Variants in PTPRT observed in about 807,000 individuals in gnomAD.
PTPRT encodes receptor-type tyrosine-protein phosphatase T.
PTPRT carries 56 observed loss-of-function variants against 176.8 expected under a neutral mutation model. The ratio of observed to expected loss-of-function variants is 0.32; its 90% CI spans 0.26 to 0.40. PTPRT has a LOEUF of 0.40. PTPRT is among the 10% of genes least tolerant of loss of function. PTPRT has a pLI of 1.00. For synonymous variants in PTPRT, 783 were observed against 739.0 expected (o/e 1.06, Z -0.96); for missense variants, 1,540 against 1,908.2 (o/e 0.81, Z 3.60).
intron 11 of PTPRT, among the ~76,000 whole-genome samples, chr20:42,349,735 G>T (rs2058248811): frequency 6.6e-6 from 1 of 152,210 alleles, no homozygotes; most frequent in Non-Finnish European, 1.5e-5. Context: ...TCAATGCTCT[G>T]CTTCATTTTA....
intron 7 of PTPRT, among the ~76,000 whole-genome samples, chr20:42,518,099 G>T (rs540423441): frequency 6.6e-6 from 1 of 151,966 alleles, no homozygotes; most frequent in African/African-American, 2.4e-5. Flanking sequence ...ATTTTTAAAG[G>T]CATGTTAATA....
intron 1 of PTPRT, among the ~76,000 whole-genome samples, chr20:43,034,415 C>T (rs1243966541): frequency 6.6e-6 from 1 of 151,986 alleles, no homozygotes; most frequent in East Asian, 1.9e-4. Context: ...GGCTGGGGAA[C>T]ACGGGAATGC....
intron 19 of PTPRT, among the ~76,000 whole-genome samples, chr20:42,120,356 G>C (rs1987523782): frequency 6.6e-6 from 1 of 152,078 alleles, no homozygotes; most frequent in Admixed American, 6.5e-5. Context: ...GAAGAACACT[G>C]TACAAGACCC....
intron 6 of PTPRT, among the ~76,000 whole-genome samples, chr20:42,747,683 G>A (rs1409870314): frequency 6.6e-6 from 1 of 152,192 alleles, no homozygotes; most frequent in Admixed American, 6.5e-5. Context: ...GACAGCAAGT[G>A]CAAAGGTCAG....
intron 7 of PTPRT, among the ~76,000 whole-genome samples, chr20:42,482,358 T>C (rs1259993842): frequency 2.0e-5 from 3 of 152,128 alleles, no homozygotes; most frequent in Non-Finnish European, 2.9e-5. Flanking sequence ...GTGTTACACA[T>C]TGGTCCTCCT....
Position 42,783,139 on chromosome 20 carries a change from A to C in PTPRT, c.487-2840T>G, listed in dbSNP as rs561604399. Among the ~76,000 whole-genome samples, 5 of 152,324 alleles carry C rather than the reference A, an allele frequency of 3.3e-5. No individual in the cohort carries two copies. In the East Asian group the frequency reaches 9.6e-4, roughly 29 times the overall value. ...AAATTGTTTAGCTTTGGGCCTATAC[A>C]TTTTCTAACCAAATTCACTACAACT... On this transcript the variant is annotated intron_variant, in intron 3 of 30. Transcript: ENST00000373187.
At chr20:42,452,445 A>C (rs1055232282) in intron 8 of PTPRT, among the ~76,000 whole-genome samples, 1 of 152,086 alleles carries the variant, frequency 6.6e-6, no homozygotes, top group Non-Finnish European at 1.5e-5. Flanking sequence ...GGAGGAATTG[A>C]AGTGTCCTAA....
chr20:42,618,520 G>T (rs2074124500), intron 7 of PTPRT, among the ~76,000 whole-genome samples: 1 of 134,172 alleles, frequency 7.5e-6, no homozygotes. Context: ...CCGTTGATCT[G>T]TCTAATGTTG....
At chr20:42,729,047 C>T (rs144400390) in intron 6 of PTPRT, among the ~76,000 whole-genome samples, 48 of 151,968 alleles carry the variant, frequency 3.2e-4, no homozygotes, top group African/African-American at 9.9e-4. Flanking sequence ...AGAGGGGCTT[C>T]GAGGAGGTGA....
intron 26 of PTPRT, among the ~76,000 whole-genome samples, chr20:42,100,827 C>G (rs1455507171): frequency 1.3e-5 from 2 of 152,230 alleles, no homozygotes; most frequent in Admixed American, 1.3e-4. Context: ...TAGCTACTTG[C>G]TATGACCAAG....
chr20:42,739,129 A>G (rs570044149), intron 6 of PTPRT, among the ~76,000 whole-genome samples: 1 of 152,306 alleles, frequency 6.6e-6, no homozygotes, highest in Non-Finnish European at 1.5e-5. Context: ...ATCAAAGAAT[A>G]CTCAAAGGAA....
chr20:42,555,471 C>T (rs1326988382), intron 7 of PTPRT, among the ~76,000 whole-genome samples: 2 of 152,152 alleles, frequency 1.3e-5, no homozygotes, highest in Non-Finnish European at 2.9e-5. Flanking sequence ...GCAATCACGG[C>T]AGGCAGTTTA....
intron 7 of PTPRT, among the ~76,000 whole-genome samples, chr20:42,639,031 T>C (rs1197669880): frequency 6.6e-6 from 1 of 152,132 alleles, no homozygotes; most frequent in Non-Finnish European, 1.5e-5. Context: ...ACATAAATTT[T>C]AAAGAACCTT....
At chr20:42,987,809 T>C (rs1367494178) in intron 1 of PTPRT, among the ~76,000 whole-genome samples, 1 of 152,180 alleles carries the variant, frequency 6.6e-6, no homozygotes, top group African/African-American at 2.4e-5. Context: ...TGTCTCTCCT[T>C]TCATGGCACT....
At chr20:43,083,457 T>A (rs899461597) in intron 1 of PTPRT, among the ~76,000 whole-genome samples, 1 of 148,386 alleles carries the variant, frequency 6.7e-6, no homozygotes, top group African/African-American at 2.5e-5. Flanking sequence ...GCCTCCTGGG[T>A]TCAAGCACTT....
At chr20:42,898,947 C>A (rs1393965966) in intron 1 of PTPRT, among the ~76,000 whole-genome samples, 1 of 152,188 alleles carries the variant, frequency 6.6e-6, no homozygotes. Context: ...GAGAGTCCAA[C>A]CAGCCTGAAA....
At chr20:42,610,024 C>T (rs1009568926) in intron 7 of PTPRT, among the ~76,000 whole-genome samples, 5 of 152,104 alleles carry the variant, frequency 3.3e-5, no homozygotes, top group African/African-American at 4.8e-5. Flanking sequence ...AGATGGGTGG[C>T]GGGAAGCAGG....
intron 8 of PTPRT, among the ~76,000 whole-genome samples, chr20:42,463,983 C>T (rs1188566871): frequency 6.6e-6 from 1 of 152,114 alleles, no homozygotes; most frequent in African/African-American, 2.4e-5. Flanking sequence ...TGTTTCACAA[C>T]CTGCTCTCCA....
intron 6 of PTPRT, among the ~76,000 whole-genome samples, chr20:42,718,813 C>A (rs1244402682): frequency 1.3e-5 from 2 of 152,060 alleles, no homozygotes; most frequent in South Asian, 4.1e-4. Context: ...TATAATGTGT[C>A]TTTTCCTGCA....
Sources: allele counts gnomAD v4.1 joint callset (sites outside exome capture counted in the v4.1 genomes callset), GRCh38; gene constraint gnomAD v4.1.1; transcripts MANE v1.5; gene names NCBI Gene and HGNC (gene_info 2026-07-23, HGNC 2026-07-21).